GRHL2: variants seen among roughly 807,000 people sequenced by gnomAD.
The protein encoded by GRHL2 is grainyhead like transcription factor 2.
Under a neutral mutation model 83.8 loss-of-function variants are expected in GRHL2, and 21 were observed. The observed-to-expected ratio is 0.25, with a 90% CI of 0.18 to 0.36. The LOEUF (loss-of-function observed/expected upper bound fraction) is 0.36, where lower values mean the gene tolerates loss of function less well. Ranked by LOEUF, GRHL2 falls within the 10% of genes least tolerant of loss-of-function variation. The pLI, the probability that GRHL2 is intolerant of heterozygous loss-of-function variation, is 1.00. For missense variants in GRHL2, 623 were observed against 781.8 expected (o/e 0.80, Z 2.42); for synonymous variants, 280 against 278.9 (o/e 1.00, Z -0.04).
rs140099870 is a variant in GRHL2 at position 101,529,981 on chromosome 8, T to C, written c.21-13260T>C. 6.4e-3 allele frequency among the ~76,000 whole-genome samples: 980 copies of C among 152,270 alleles called. 7 individuals are homozygous for C. The highest frequency in any genetic ancestry group is 0.022 in the African/African-American group (910 of 41,532). ...GGCAGTTTGAAGTTACTCTAGGTGTTTTACCATGTTATTTCTCTCTCTGGC... is the reference window on the plus strand; with the variant it reads ...GGCAGTTTGAAGTTACTCTAGGTGTCTTACCATGTTATTTCTCTCTCTGGC... On this transcript the variant is annotated intron_variant, in intron 1 of 15. Transcript: ENST00000646743.
chr8:101,495,989 A>G (rs183132059), intron 1 of GRHL2, among the ~76,000 whole-genome samples: 15 of 152,160 alleles, frequency 9.9e-5, no homozygotes, highest in African/African-American at 3.4e-4. Context: ...TCTACTAAAT[A>G]TACAAAAAAT....
chr8:101,672,226 G>C (rs1366884963), downstream of GRHL2, among the ~76,000 whole-genome samples: 2 of 151,786 alleles, frequency 1.3e-5, no homozygotes, highest in Non-Finnish European at 2.9e-5. Context: ...CGAGCTGAGA[G>C]AAGAAGGCTT....
chr8:101,599,915 T>G (rs1212295581), intron 8 of GRHL2, among the ~76,000 whole-genome samples: 2 of 152,236 alleles, frequency 1.3e-5, no homozygotes, highest in Non-Finnish European at 2.9e-5. Context: ...TCCTTGATTC[T>G]TATTTTGCAC....
chr8:101,495,220 C>G (rs1249071979), intron 1 of GRHL2, among the ~76,000 whole-genome samples: 1 of 152,190 alleles, frequency 6.6e-6, no homozygotes, highest in Admixed American at 6.5e-5. Context: ...CCTTACGAGG[C>G]CTGCCTGTAG....
chr8:101,652,682 A>G (rs1262844914), intron 14 of GRHL2, among the ~76,000 whole-genome samples: 1 of 150,878 alleles, frequency 6.6e-6, no homozygotes, highest in Non-Finnish European at 1.5e-5. Context: ...GCCTCAGAAA[A>G]CCTGTGTTCA....
intron 4 of GRHL2, among the ~76,000 whole-genome samples, chr8:101,566,238 G>A (rs116849925): frequency 0.012 from 1,760 of 151,984 alleles, 13 homozygotes; most frequent in Non-Finnish European, 0.018. Context: ...AAATTCTCTG[G>A]GATACACATT....
At chr8:101,558,908 C>A (rs1811545748) in intron 4 of GRHL2, 96 bp downstream of exon 4, 3 of 1,343,164 alleles carry the variant, frequency 2.2e-6, no homozygotes, top group African/African-American at 2.9e-5. Context: ...ATGAATTAAA[C>A]AGCAAGTTTT....
At chr8:101,656,375 T>G (rs533075286) in intron 14 of GRHL2, among the ~76,000 whole-genome samples, 42 of 152,314 alleles carry the variant, frequency 2.8e-4, no homozygotes, top group Non-Finnish European at 2.9e-4. Context: ...GTAAATAGCA[T>G]CATCACTACT....
chr8:101,503,053 T>C (rs1810264198), intron 1 of GRHL2, among the ~76,000 whole-genome samples: 1 of 152,214 alleles, frequency 6.6e-6, no homozygotes, highest in African/African-American at 2.4e-5. Context: ...AATGATCATT[T>C]ATTTAGGTCG....
intron 14 of GRHL2, among the ~76,000 whole-genome samples, chr8:101,650,887 T>A (rs1813609141): frequency 6.6e-6 from 1 of 152,118 alleles, no homozygotes; most frequent in Admixed American, 6.6e-5. Context: ...CACGCTGCCC[T>A]CTGTGATCTG....
At chr8:101,647,163 T>A (rs1377549818) in intron 13 of GRHL2, among the ~76,000 whole-genome samples, 1 of 152,092 alleles carries the variant, frequency 6.6e-6, no homozygotes, top group African/African-American at 2.4e-5. Flanking sequence ...GGCGGGTGGA[T>A]CACTTGAAGC....
chr8:101,593,914 A>G (rs536410786), intron 7 of GRHL2, among the ~76,000 whole-genome samples: 1 of 151,758 alleles, frequency 6.6e-6, no homozygotes, highest in South Asian at 2.1e-4. Flanking sequence ...AAAAATATCA[A>G]AAAAATTAGC....
chr8:101,641,206 G>A (rs1202783864), intron 12 of GRHL2, among the ~76,000 whole-genome samples: 2 of 152,110 alleles, frequency 1.3e-5, no homozygotes, highest in Non-Finnish European at 2.9e-5. Context: ...TTTGGGCTAA[G>A]TTCTTCCCCA....
chr8:101,494,938 A>G (rs138973720), intron 1 of GRHL2, among the ~76,000 whole-genome samples: 1 of 152,374 alleles, frequency 6.6e-6, no homozygotes, highest in East Asian at 1.9e-4. Context: ...TAATCGTTAC[A>G]ATGGTGCAAG....
intron 14 of GRHL2, among the ~76,000 whole-genome samples, chr8:101,659,444 A>G (rs894381099): frequency 1.3e-5 from 2 of 152,190 alleles, no homozygotes; most frequent in African/African-American, 4.8e-5. Context: ...GCAGCTCTAG[A>G]AATGATGTGG....
At chr8:101,600,558 G>T (rs886163180) in intron 8 of GRHL2, among the ~76,000 whole-genome samples, 3 of 152,182 alleles carry the variant, frequency 2.0e-5, no homozygotes, top group Non-Finnish European at 4.4e-5. Context: ...TCAGAGGCTA[G>T]ATTGCTGAAC....
At chr8:101,545,502 GC>G (rs1811244273) in intron 2 of GRHL2, among the ~76,000 whole-genome samples, 1 of 141,534 alleles carries the variant, frequency 7.1e-6, no homozygotes, top group Non-Finnish European at 1.5e-5. Flanking sequence ...TTCATGGTAG[GC>G]TTTTTATTCT....
At chr8:101,497,905 T>C (rs552751257) in intron 1 of GRHL2, among the ~76,000 whole-genome samples, 5 of 152,334 alleles carry the variant, frequency 3.3e-5, no homozygotes, top group East Asian at 3.9e-4. Flanking sequence ...CTGCCCTAGA[T>C]GTTGTTTGCT....
At chr8:101,630,675 G>T (rs1257754125) in intron 9 of GRHL2, among the ~76,000 whole-genome samples, 1 of 152,162 alleles carries the variant, frequency 6.6e-6, no homozygotes, top group African/African-American at 2.4e-5. Flanking sequence ...TGAAACTTAG[G>T]GAAGGAGTTT....
Sources: allele counts gnomAD v4.1 joint callset (sites outside exome capture counted in the v4.1 genomes callset), GRCh38; gene constraint gnomAD v4.1.1; transcripts MANE v1.5; gene names NCBI Gene and HGNC (gene_info 2026-07-23, HGNC 2026-07-21).